KATNAL1: variants seen among roughly 807,000 people sequenced by gnomAD.
KATNAL1 encodes the protein katanin catalytic subunit A1 like 1, also known as katanin p60 ATPase-containing subunit A-like 1.
KATNAL1 carries 32 observed loss-of-function variants against 55.2 expected under a neutral mutation model. The observed-to-expected ratio is 0.58, with a 90% CI of 0.44 to 0.78. The LOEUF (loss-of-function observed/expected upper bound fraction) is 0.78. Ranked by LOEUF, KATNAL1 falls within the 30% of genes least tolerant of loss-of-function variation. The probability of loss-of-function intolerance (pLI) is 0.00; values close to 1 mark genes in which losing one functional copy is unlikely to be tolerated. For missense variants in KATNAL1, 466 were observed against 600.9 expected, an observed-to-expected ratio of 0.78 and a Z score of 2.35; for synonymous variants, 193 against 193.6, an observed-to-expected ratio of 1.00 and a Z score of 0.02.
At chr13:30,224,267 G>T (rs984085703) in intron 9 of KATNAL1, among the ~76,000 whole-genome samples, 2 of 152,018 alleles carry the variant, frequency 1.3e-5, no homozygotes, top group Admixed American at 1.3e-4. Context: ...AAAAGGCCAG[G>T]TGCAGTAGCT....
At chr13:30,272,388 A>G (rs1425882396) in intron 3 of KATNAL1, among the ~76,000 whole-genome samples, 1 of 152,156 alleles carries the variant, frequency 6.6e-6, no homozygotes, top group Non-Finnish European at 1.5e-5. Context: ...ACACAGCAAG[A>G]CTTGGTCTCA....
At chr13:30,295,841 T>C (rs1034677243) in intron 1 of KATNAL1, among the ~76,000 whole-genome samples, 1 of 152,104 alleles carries the variant, frequency 6.6e-6, no homozygotes, top group East Asian at 1.9e-4. Flanking sequence ...ACAGTATAAT[T>C]GCATGCTATG....
intron 1 of KATNAL1, among the ~76,000 whole-genome samples, chr13:30,284,871 T>G (rs1389531586): frequency 6.6e-6 from 1 of 152,204 alleles, no homozygotes. Flanking sequence ...CAAAGATACT[T>G]TCCTCCCAAG....
At chr13:30,217,184 G>A (rs1005124767) in intron 9 of KATNAL1, among the ~76,000 whole-genome samples, 5 of 152,178 alleles carry the variant, frequency 3.3e-5, no homozygotes, top group African/African-American at 7.2e-5. Flanking sequence ...CAGGCGCGGC[G>A]GCTCACGCCT....
intron 2 of KATNAL1, among the ~76,000 whole-genome samples, chr13:30,280,482 CGTG>C (rs1241879963): frequency 6.6e-6 from 1 of 151,998 alleles, no homozygotes; most frequent in African/African-American, 2.4e-5. Context: ...TACCAAAGAA[CGTG>C]ATGATCATTA....
chr13:30,239,990 T>C (rs1031471898), intron 6 of KATNAL1, among the ~76,000 whole-genome samples: 25 of 152,138 alleles, frequency 1.6e-4, no homozygotes, highest in African/African-American at 5.1e-4. Context: ...AGCCAAGAAG[T>C]AGTTTTTTAA....
At chr13:30,304,684 T>C (rs1021052979) in intron 1 of KATNAL1, among the ~76,000 whole-genome samples, 5 of 152,332 alleles carry the variant, frequency 3.3e-5, no homozygotes, top group Non-Finnish European at 5.9e-5. Context: ...CTTATCTATA[T>C]GCAAACTTCT....
chr13:30,224,262 G>C (rs1423808490), intron 9 of KATNAL1, among the ~76,000 whole-genome samples: 1 of 152,064 alleles, frequency 6.6e-6, no homozygotes, highest in Admixed American at 6.5e-5. Context: ...AGAAAAAAAG[G>C]CCAGGTGCAG....
At chr13:30,269,957 C>T (rs1880140670) in intron 3 of KATNAL1, among the ~76,000 whole-genome samples, 1 of 150,098 alleles carries the variant, frequency 6.7e-6, no homozygotes, top group Non-Finnish European at 1.5e-5. Flanking sequence ...GCACCTCTGC[C>T]CGGCCACCCC....
chr13:30,274,818 A>C (rs1352943859), intron 3 of KATNAL1, among the ~76,000 whole-genome samples: 1 of 152,020 alleles, frequency 6.6e-6, no homozygotes, highest in South Asian at 2.1e-4. Context: ...AACAAACTAA[A>C]CATACATTGA....
chr13:30,217,224 G>A (rs567558144), intron 9 of KATNAL1, among the ~76,000 whole-genome samples: 8 of 152,286 alleles, frequency 5.3e-5, no homozygotes, highest in South Asian at 4.1e-4. Context: ...AGGCCGAGGC[G>A]GGAGGATCAT....
In KATNAL1 at chr13:30,204,874, C is replaced by G. The variant is rs529557380; in HGVS notation, c.*3666G>C. On this transcript the variant is annotated 3_prime_UTR_variant, in exon 11 of 11. Coordinates refer to ENST00000380615, the MANE Select transcript of KATNAL1 (RefSeq NM_032116.5). ...TATTGTGGGAGGTAGTGGTCAGACC[C>G]GAAAGTGTGTAGATAAAGTCTGTGA... The G allele has an allele frequency of 8.5e-5, 13 of 152,200 alleles. 1 individual carries two copies. In the South Asian group the frequency reaches 2.5e-3, roughly 29 times the overall value. 9.4% of individuals were successfully genotyped at this position (152,200 alleles called of 1,614,324 possible).
At chr13:30,231,518 T>C (rs576669211) in intron 6 of KATNAL1, 46 bp from the exon 7 acceptor site, 3 of 1,315,206 alleles carry the variant, frequency 2.3e-6, no homozygotes, top group Non-Finnish European at 3.0e-6. Flanking sequence ...GATTAAAAAA[T>C]TTTTTTATAA....
chr13:30,282,967 A>G (rs1269214519), intron 2 of KATNAL1, among the ~76,000 whole-genome samples: 6 of 133,586 alleles, frequency 4.5e-5, no homozygotes, highest in Non-Finnish European at 6.7e-5. Context: ...AAAAAAAAAG[A>G]AAAAAAAAAA....
At chr13:30,282,902 C>A (rs2137536605) in intron 2 of KATNAL1, among the ~76,000 whole-genome samples, 1 of 149,370 alleles carries the variant, frequency 6.7e-6, no homozygotes, top group East Asian at 2.0e-4. Flanking sequence ...TTACAGTGAG[C>A]CGAGATCGCG....
In KATNAL1 at chr13:30,204,374, C is replaced by T. The variant is rs931416120; in HGVS notation, c.*4166G>A. Reference sequence around the variant, plus strand: ...ATAACCTAGACAATACTGAAGGAACCGAAGTCCACTCACACAACATGAAAT... The same window carrying T: ...ATAACCTAGACAATACTGAAGGAACTGAAGTCCACTCACACAACATGAAAT... On this transcript the variant is annotated 3_prime_UTR_variant, in exon 11 of 11. Transcript: ENST00000380615. 2 of 152,118 alleles carry T rather than the reference C, an allele frequency of 1.3e-5. No homozygotes were observed. The highest frequency in any genetic ancestry group is 2.1e-4 in the South Asian group (1 of 4,816). The allele number at this position is 152,118 out of a possible 1,614,324, so 9.4% of individuals were successfully genotyped here. A position where few individuals can be genotyped will look rare whatever the true frequency, so the allele number is the denominator to read the frequency against.
chr13:30,243,927 A>C (rs1017846493), intron 4 of KATNAL1, among the ~76,000 whole-genome samples: 26 of 151,900 alleles, frequency 1.7e-4, no homozygotes, highest in African/African-American at 6.3e-4. Context: ...AAATCTCATT[A>C]TTTTTCTTTT....
intron 3 of KATNAL1, among the ~76,000 whole-genome samples, chr13:30,277,982 C>CAAAAAAAAAAAA (rs55683675): frequency 8.2e-5 from 5 of 61,312 alleles, no homozygotes; most frequent in African/African-American, 2.8e-4. Flanking sequence ...GACTCCGTCT[C>CAAAAAAAAAAAA]AAAAAAAAAA....
intron 9 of KATNAL1, among the ~76,000 whole-genome samples, chr13:30,214,236 A>G (rs1873981911): frequency 6.6e-6 from 1 of 152,244 alleles, no homozygotes; most frequent in Non-Finnish European, 1.5e-5. Flanking sequence ...GACCTCTTCA[A>G]GAAGAACTAC....
Sources: gnomAD v4.1 joint callset for allele counts (sites outside exome capture counted in the v4.1 genomes callset) on GRCh38, gnomAD v4.1.1 for gene constraint, MANE v1.5 for transcripts, NCBI Gene and HGNC (gene_info 2026-07-23, HGNC 2026-07-21) for gene names.